GPR179: variants seen among roughly 807,000 people sequenced by gnomAD.
GPR179 encodes probable G protein-coupled receptor 179.
GPR179 carries 52 observed loss-of-function variants against 70.8 expected under a neutral mutation model. The observed-to-expected ratio is 0.73, with a 90% CI of 0.59 to 0.93. The LOEUF (loss-of-function observed/expected upper bound fraction) is 0.93, where lower values mean the gene tolerates loss of function less well. Among genes scored for constraint, GPR179 ranks in the 40% least tolerant of loss-of-function variants. The pLI, the probability that GPR179 is intolerant of heterozygous loss-of-function variation, is 0.00. For synonymous variants in GPR179, 1,123 were observed against 1,169.0 expected (o/e 0.96, Z 0.80); for missense variants, 2,734 against 2,966.8 (o/e 0.92, Z 1.82).
chr17:38,338,447 C>T, intron 2 of GPR179, among the ~76,000 whole-genome samples: 1 of 152,240 alleles, frequency 6.6e-6, no homozygotes, highest in South Asian at 2.1e-4. Context: ...GAGCCCCTGA[C>T]CTCACTTAGT....
chr17:38,339,438 C>T lies in GPR179; in HGVS notation c.882G>A (p.Leu294=). The change falls in exon 2 of 11, where the codon CTG becomes CTA. Residue 294 remains leucine (L), a synonymous_variant. Coordinates refer to ENST00000616987, the MANE Select transcript of GPR179 (RefSeq NM_001004334.4). ...SGPGWYSNTH[L]CDLNSTQCVP... ...TTACCTGGGTGCTGTTGAGATCACACAGGTGTGTGTTAGAGTACCAGCCTG... is the reference window on the plus strand; with the variant it reads ...TTACCTGGGTGCTGTTGAGATCACATAGGTGTGTGTTAGAGTACCAGCCTG... 4 of 1,612,678 alleles carry T rather than the reference C, an allele frequency of 2.5e-6. No individual in the cohort carries two copies. The highest frequency in any genetic ancestry group is 3.4e-6 in the Non-Finnish European group (4 of 1,178,756).
rs764983720 is a variant in GPR179 at position 38,330,542 on chromosome 17, C to CT, written c.3026dup (p.Glu1010GlyfsTer37). 7 of 1,568,648 alleles carry CT rather than the reference C, an allele frequency of 4.5e-6. No homozygotes were observed. Among genetic ancestry groups the CT allele is most frequent in the Admixed American group, 1.9e-5 (1 of 53,544 alleles). ...CTCGCTCTGGCCCTGAGGGGCCTTCCTGGGGCACATTTTCTTGCTTGGCTG... is the reference window on the plus strand; with the variant it reads ...CTCGCTCTGGCCCTGAGGGGCCTTCCTTGGGGCACATTTTCTTGCTTGGCTG... On this transcript the variant is annotated frameshift_variant, in exon 11 of 11. Transcript: ENST00000616987. LOFTEE classifies it low-confidence loss of function (END_TRUNC).
Position 38,329,188 on chromosome 17 carries a change from C to G in GPR179, c.4381G>C (p.Glu1461Gln), listed in dbSNP as rs201149338. Residue 1461 changes from glutamate to glutamine, a missense_variant, in exon 11 of 11, where the codon GAA becomes CAA. By Grantham distance (29) the Glu-to-Gln change is conservative (BLOSUM62 2). Transcript: ENST00000616987. ...CSGSLGSGIA[E>Q]VCLWEAGDAP... ...TCTCCTGCCTCCCACAGACACACTT[C>G]AGCAATGCCACTGCCCAAACTCCCT... The G allele has an allele frequency of 5.3e-4, 849 of 1,613,984 alleles. 17 individuals are homozygous for G. In the East Asian group the frequency reaches 0.019, roughly 35 times the overall value.
At position 38,328,557 on chromosome 17, in the gene GPR179, G is replaced by A; in HGVS notation, c.5012C>T (p.Pro1671Leu). The A allele has an allele frequency of 6.2e-7, 1 of 1,614,010 alleles. No individual in the cohort carries two copies. Among genetic ancestry groups the A allele is most frequent in the Non-Finnish European group, 8.5e-7 (1 of 1,180,024 alleles). The change falls in exon 11 of 11, where the codon CCC becomes CTC. Residue 1671 changes from proline (P) to leucine (L), a missense_variant. Transcript: ENST00000616987. ...PQPRPQDTER[P>L]QTLLQMSGSV... ...GCCTGACATCTGGAGAAGGGTTTGG[G>A]GTCTCTCTGTGTCTTGAGGACGTGG...
Position 38,331,356 on chromosome 17 carries a change from G to A in GPR179, c.2213C>T (p.Ser738Leu). The A allele has an allele frequency of 1.9e-6, 3 of 1,612,894 alleles. No homozygotes were observed. The highest frequency in any genetic ancestry group is 2.5e-6 in the Non-Finnish European group (3 of 1,179,640). ...CAGGCTGCCGTGGCCTGGGGATCCT[G>A]AGTCCCGGGAGTGCTGCCTGGCCAG... ...EALARQHSRDSGSPGHGSLPG... is the reference protein window; with the variant it reads ...EALARQHSRDLGSPGHGSLPG... The change falls in exon 11 of 11, where the codon TCA (serine) becomes TTA (leucine). Residue 738 changes from serine to leucine, a missense_variant. Coordinates refer to ENST00000616987, the MANE Select transcript of GPR179 (RefSeq NM_001004334.4).
rs766897070 is a variant in GPR179, at chr17:38,330,952, TCCGCTCCTC to T, written c.2608_2616del (p.Glu870_Arg872del). 42 of 1,611,324 alleles carry T rather than the reference TCCGCTCCTC, an allele frequency of 2.6e-5. No individual in the cohort carries two copies. The highest frequency in any genetic ancestry group is 3.5e-5 in the Non-Finnish European group (41 of 1,179,188). On this transcript the variant is annotated inframe_deletion, in exon 11 of 11. Transcript: ENST00000616987. ...CTGGCCATGGCTGCCTTGGCCTTCT[TCCGCTCCTC>T]CCGCTCCTTTGCTTGCCGGTAGGTC...
intron 10 of GPR179, 22 bp from the exon 11 acceptor site, chr17:38,331,553 A>G: frequency 6.3e-7 from 1 of 1,580,730 alleles, no homozygotes; most frequent in South Asian, 1.2e-5. Context: ...CAGGGAGGAA[A>G]GCAGGGCTGC....
intron 6 of GPR179, 70 bp from the exon 7 acceptor site, chr17:38,335,341 C>CTCTTCG: frequency 8.3e-7 from 1 of 1,210,822 alleles, no homozygotes; most frequent in Non-Finnish European, 1.2e-6. Context: ...TGCCAGCGCC[C>CTCTTCG]TGGTCTCTGT....
At position 38,333,992 on chromosome 17, in the gene GPR179, AGAG is replaced by A; in HGVS notation, c.1828_1830del (p.Leu610del). 2 of 1,613,948 alleles carry A rather than the reference AGAG, an allele frequency of 1.2e-6. No homozygotes were observed. Among genetic ancestry groups the A allele is most frequent in the Non-Finnish European group, 1.7e-6 (2 of 1,179,908 alleles). On this transcript the variant is annotated inframe_deletion, in exon 9 of 11. Transcript: ENST00000616987. ...ACTGTGCTGTGGGTGTGGAAGAAGA[AGAG>A]GAGGAGGGTCCAGTCCGGGTGCAGA...
At position 38,331,441 on chromosome 17, in the gene GPR179, T is replaced by C; in HGVS notation, c.2128A>G (p.Ser710Gly). The change falls in exon 11 of 11, where the codon AGC becomes GGC. Residue 710 changes from serine to glycine, a missense_variant. Transcript: ENST00000616987. ...GAGCGGCCCAGTCCCTGGCATGAGC[T>C]GCCTCGCTTCTTGGGCAGGTGGGGG... ...NNPHLPKKRG[S>G]SCQGLGRSFM... 6.2e-7 allele frequency: 1 copy of C among 1,614,168 alleles called. No homozygotes were observed. The highest frequency in any genetic ancestry group is 1.7e-5 in the Admixed American group (1 of 60,018).
In GPR179 at chr17:38,327,129, C is replaced by A; in HGVS notation, c.6440G>T (p.Arg2147Ile). ...CATCTCTCCTTGCCCTTGTGATTCT[C>A]TTTCCTGTTCCCCTTCCTCTGCTGC... ...GGAAEEGEQE[R>I]ESQGQGEMFL... Residue 2147 changes from arginine to isoleucine, a missense_variant, in exon 11 of 11, where the codon AGA (arginine) becomes ATA (isoleucine). By Grantham distance (97) the Arg-to-Ile change is moderately conservative. Coordinates refer to ENST00000616987, the MANE Select transcript of GPR179 (RefSeq NM_001004334.4). 4.3e-6 allele frequency: 7 copies of A among 1,614,266 alleles called. No individual in the cohort carries two copies. The highest frequency in any genetic ancestry group is 5.9e-6 in the Non-Finnish European group (7 of 1,180,050).
At chr17:38,332,285 G>C (rs67180109) in intron 10 of GPR179, among the ~76,000 whole-genome samples, 6,232 of 152,232 alleles carry the variant, frequency 0.041, 170 homozygotes, top group Middle Eastern at 0.26. Flanking sequence ...GGTGGAGGGG[G>C]TGGACAGAAT....
At chr17:38,331,884 A>G (rs905515341) in intron 10 of GPR179, among the ~76,000 whole-genome samples, 2 of 152,156 alleles carry the variant, frequency 1.3e-5, no homozygotes. Flanking sequence ...CTGTAAAGCA[A>G]TGTTACCTGG....
chr17:38,327,410 C>G lies in GPR179; in HGVS notation c.6159G>C (p.Glu2053Asp). The change falls in exon 11 of 11, where the codon GAG becomes GAC. Residue 2053 changes from glutamate to aspartate, a missense_variant. Physicochemically the swap from Glu to Asp is conservative, Grantham distance 45. Transcript: ENST00000616987. Reference sequence around the variant, plus strand: ...TTTTCTGAACTGGCACACCTTTTGGCTCTGATTTTTCTGGGGCTCTGCCTT... The same window carrying G: ...TTTTCTGAACTGGCACACCTTTTGGGTCTGATTTTTCTGGGGCTCTGCCTT... ...EEKGRAPEKS[E>D]PKGVPVQKKP... The G allele has an allele frequency of 1.2e-6, 2 of 1,614,228 alleles. No homozygotes were observed. The highest frequency in any genetic ancestry group is 1.7e-6 in the Non-Finnish European group (2 of 1,180,048).
chr17:38,332,925 A>G (rs899636240), intron 10 of GPR179, among the ~76,000 whole-genome samples: 5 of 152,208 alleles, frequency 3.3e-5, no homozygotes, highest in Admixed American at 3.3e-4. Flanking sequence ...GGTTTCTTAG[A>G]CTGCCCCCGA....
chr17:38,327,571 A>AT lies in GPR179; in HGVS notation c.5997dup (p.Trp2000MetfsTer5). 5 of 1,614,000 alleles carry AT rather than the reference A, an allele frequency of 3.1e-6. No homozygotes were observed. Among genetic ancestry groups the AT allele is most frequent in the Non-Finnish European group, 4.2e-6 (5 of 1,179,982 alleles). On this transcript the variant is annotated frameshift_variant, in exon 11 of 11. Transcript: ENST00000616987. LOFTEE classifies it low-confidence loss of function (END_TRUNC). ...TACACACCTGCATCAGGAACATCCC[A>AT]TGGGCACACGTCAGCGGCCCTGCCC... is the stretch of plus-strand genomic sequence containing the variant.
rs762612670 is a variant in GPR179 at position 38,329,617 on chromosome 17, C to T, written c.3952G>A (p.Glu1318Lys). The change falls in exon 11 of 11, where the codon GAA (glutamate) becomes AAA (lysine). Residue 1318 changes from glutamate (E) to lysine (K), a missense_variant. By Grantham distance (56) the Glu-to-Lys change is moderately conservative. Transcript: ENST00000616987. ...KKPERLVREQ[E>K]AVCPWESADR... Reference sequence around the variant, plus strand: ...GCACTCTCCCAGGGACACACTGCTTCCTGCTCCCTCACCAGCCTCTCTGGC... The same window carrying T: ...GCACTCTCCCAGGGACACACTGCTTTCTGCTCCCTCACCAGCCTCTCTGGC... The T allele has an allele frequency of 1.9e-5, 31 of 1,614,144 alleles. No individual in the cohort carries two copies. Among genetic ancestry groups the T allele is most frequent in the Non-Finnish European group, 2.5e-5 (30 of 1,180,044 alleles).
At position 38,329,985 on chromosome 17, in the gene GPR179, G is replaced by C. The variant is rs767734454; in HGVS notation, c.3584C>G (p.Ala1195Gly). ...CAGCATGGCAAGCCCTGTTTTACCT[G>C]CTCTCTCAGCTTTCCGTTCCCCTAG... ...QGLGERKAER[A>G]GKTGLAMLRQ... The change falls in exon 11 of 11, where the codon GCA becomes GGA. Residue 1195 changes from alanine to glycine, a missense_variant. By Grantham distance (60) the Ala-to-Gly change is moderately conservative (BLOSUM62 0). Transcript: ENST00000616987. 5 of 1,614,090 alleles carry C rather than the reference G, an allele frequency of 3.1e-6. No individual in the cohort carries two copies. In the Admixed American group the frequency reaches 6.7e-5, roughly 22 times the overall value.
intron 6 of GPR179, 116 bp downstream of exon 6, chr17:38,335,474 TG>T (rs1567725945): frequency 2.4e-6 from 2 of 827,156 alleles, no homozygotes; most frequent in Non-Finnish European, 2.0e-6. Context: ...GGGTTGGCCT[TG>T]GGGGTAGAGG....
Sources: gnomAD v4.1 joint callset for allele counts (sites outside exome capture counted in the v4.1 genomes callset) on GRCh38, gnomAD v4.1.1 for gene constraint, MANE v1.5 for transcripts, NCBI Gene and HGNC (gene_info 2026-07-23, HGNC 2026-07-21) for gene names.